TMEM178B: variants seen among roughly 807,000 people sequenced by gnomAD.
The protein encoded by TMEM178B is transmembrane protein 178B.
TMEM178B carries 5 observed loss-of-function variants against 31.0 expected under a neutral mutation model. That is an observed-to-expected ratio of 0.16 (90% CI 0.08 to 0.34). The LOEUF (loss-of-function observed/expected upper bound fraction) is 0.34. TMEM178B is among the 10% of genes least tolerant of loss of function. The probability of loss-of-function intolerance (pLI) is 1.00; values close to 1 mark genes in which losing one functional copy is unlikely to be tolerated. For synonymous variants in TMEM178B, 164 were observed against 164.0 expected (o/e 1.00, Z 0.00); for missense variants, 275 against 400.3 (o/e 0.69, Z 2.67).
chr7:141,375,127 AT>A (rs1800190610), intron 2 of TMEM178B, among the ~76,000 whole-genome samples: 1 of 152,212 alleles, frequency 6.6e-6, no homozygotes, highest in East Asian at 1.9e-4. Flanking sequence ...GATTTACCGG[AT>A]GATGGTCATG....
At chr7:141,439,015 G>C (rs993890919) in intron 3 of TMEM178B, among the ~76,000 whole-genome samples, 1 of 152,156 alleles carries the variant, frequency 6.6e-6, no homozygotes, top group African/African-American at 2.4e-5. Flanking sequence ...GAGCCACCAG[G>C]CTCTGGGTTT....
chr7:141,278,434 T>C (rs529462969), intron 2 of TMEM178B, among the ~76,000 whole-genome samples: 76 of 152,132 alleles, frequency 5.0e-4, no homozygotes, highest in Middle Eastern at 3.4e-3. Context: ...ATACAAAAAT[T>C]AGCCAGGCTT....
At chr7:141,447,317 AG>A (rs1206881559) in intron 3 of TMEM178B, among the ~76,000 whole-genome samples, 1 of 152,018 alleles carries the variant, frequency 6.6e-6, no homozygotes, top group Non-Finnish European at 1.5e-5. Context: ...GCTTGAATGT[AG>A]GGGGCAGGAA....
At chr7:141,324,070 AGAGT>A (rs1799144871) in intron 2 of TMEM178B, among the ~76,000 whole-genome samples, 1 of 152,168 alleles carries the variant, frequency 6.6e-6, no homozygotes, top group Non-Finnish European at 1.5e-5. Flanking sequence ...AACGTGCAAT[AGAGT>A]GAGTAAGAGA....
intron 1 of TMEM178B, among the ~76,000 whole-genome samples, chr7:141,090,358 A>G (rs1586762377): frequency 6.6e-6 from 1 of 152,012 alleles, no homozygotes; most frequent in Non-Finnish European, 1.5e-5. Flanking sequence ...TACCCAGCCT[A>G]CTTCTAAGTC....
intron 1 of TMEM178B, among the ~76,000 whole-genome samples, chr7:141,138,401 T>C (rs992522969): frequency 1.3e-5 from 2 of 152,010 alleles, no homozygotes; most frequent in Non-Finnish European, 2.9e-5. Context: ...TGGGTCCTTA[T>C]GGAGAATTAG....
At chr7:141,079,097 G>A (rs554275682) in intron 1 of TMEM178B, among the ~76,000 whole-genome samples, 25 of 152,238 alleles carry the variant, frequency 1.6e-4, no homozygotes, top group Admixed American at 6.5e-5. Context: ...GACCAGCCTC[G>A]CCAACATGGT....
chr7:141,311,596 G>A (rs1325142940), intron 2 of TMEM178B, among the ~76,000 whole-genome samples: 1 of 152,048 alleles, frequency 6.6e-6, no homozygotes, highest in Non-Finnish European at 1.5e-5. Flanking sequence ...ATTTTATTTT[G>A]TATGGTTAAA....
At chr7:141,492,122 C>T in the TMEM178B span, among the ~76,000 whole-genome samples, 129 of 152,310 alleles carry the variant, frequency 8.5e-4, no homozygotes, top group African/African-American at 3.0e-3. Context: ...CTCTCCTTAA[C>T]GCACTAATCT....
chr7:141,194,545 G>C (rs976238472), intron 1 of TMEM178B, among the ~76,000 whole-genome samples: 1 of 152,132 alleles, frequency 6.6e-6, no homozygotes, highest in Non-Finnish European at 1.5e-5. Context: ...GGGAAGCTCC[G>C]CCCCTGTGGC....
intron 2 of TMEM178B, among the ~76,000 whole-genome samples, chr7:141,410,096 C>G (rs1351833651): frequency 6.6e-6 from 1 of 152,186 alleles, no homozygotes; most frequent in Admixed American, 6.5e-5. Flanking sequence ...ATCTCAACAT[C>G]CCCATCACCT....
intron 1 of TMEM178B, among the ~76,000 whole-genome samples, chr7:141,160,895 T>G (rs746274361): frequency 2.2e-4 from 33 of 152,214 alleles, no homozygotes; most frequent in Non-Finnish European, 2.4e-4. Context: ...TTTGCTCTTG[T>G]TGCCCAGGAC....
chr7:141,147,214 T>G (rs1239673686), intron 1 of TMEM178B, among the ~76,000 whole-genome samples: 6 of 152,086 alleles, frequency 3.9e-5, no homozygotes, highest in Non-Finnish European at 8.8e-5. Flanking sequence ...CTTCCCTCCC[T>G]CCGTCCCTCC....
At chr7:141,296,320 A>G (rs217027) in intron 2 of TMEM178B, among the ~76,000 whole-genome samples, 139,895 of 152,052 alleles carry the variant, frequency 0.92, 64,368 homozygotes, top group East Asian at 1. Context: ...CACCTGCCTC[A>G]GCCTCCCAAA....
intron 2 of TMEM178B, among the ~76,000 whole-genome samples, chr7:141,340,669 G>A (rs954849781): frequency 6.6e-6 from 1 of 152,124 alleles, no homozygotes; most frequent in African/African-American, 2.4e-5. Context: ...AGCACATCAG[G>A]AGCAGTGCAA....
the TMEM178B span, among the ~76,000 whole-genome samples, chr7:141,508,875 C>A: frequency 2.1e-4 from 32 of 152,346 alleles, no homozygotes; most frequent in Middle Eastern, 3.4e-3. Flanking sequence ...GGGACACAGC[C>A]AAACCATATC....
At chr7:141,336,954 C>T (rs1271894983) in intron 2 of TMEM178B, among the ~76,000 whole-genome samples, 42 of 118,124 alleles carry the variant, frequency 3.6e-4, no homozygotes, top group African/African-American at 1.4e-3. Context: ...ATCACCACCA[C>T]CACCATCACT....
At chr7:141,506,612 T>A in the TMEM178B span, among the ~76,000 whole-genome samples, 277 of 152,234 alleles carry the variant, frequency 1.8e-3, no homozygotes, top group African/African-American at 6.4e-3. Flanking sequence ...GAGATACAAT[T>A]CAAGTTGAGA....
chr7:141,274,066 A>T (rs1798228730), intron 2 of TMEM178B, among the ~76,000 whole-genome samples: 1 of 152,168 alleles, frequency 6.6e-6, no homozygotes, highest in African/African-American at 2.4e-5. Flanking sequence ...TATCATAATG[A>T]CTTTTTCAGA....
Sources: gnomAD v4.1 joint callset for allele counts (sites outside exome capture counted in the v4.1 genomes callset) on GRCh38, gnomAD v4.1.1 for gene constraint, MANE v1.5 for transcripts, NCBI Gene and HGNC (gene_info 2026-07-23, HGNC 2026-07-21) for gene names.